The following PPP2R1A variants were observed in gnomAD, a reference collection of about 807,000 sequenced individuals.
PPP2R1A encodes the protein serine/threonine-protein phosphatase 2A 65 kDa regulatory subunit A alpha isoform.
A neutral mutation model predicts 67.1 loss-of-function variants in PPP2R1A; 15 were observed. The ratio of observed to expected loss-of-function variants is 0.22; its 90% CI spans 0.15 to 0.34. The LOEUF is 0.34. Among genes scored for constraint, PPP2R1A ranks in the 10% least tolerant of loss-of-function variants. The pLI, the probability that PPP2R1A is intolerant of heterozygous loss-of-function variation, is 1.00. For missense variants in PPP2R1A, 369 were observed against 775.0 expected, an observed-to-expected ratio of 0.48 and a Z score of 6.22; for synonymous variants, 337 against 325.0, an observed-to-expected ratio of 1.04 and a Z score of -0.40.
At chr19:52,221,160 C>A (rs1402786190) in intron 12 of PPP2R1A, 27 bp downstream of exon 12, 20 of 1,613,858 alleles carry the variant, frequency 1.2e-5, no homozygotes, top group Non-Finnish European at 1.7e-5. Flanking sequence ...CCTGCTGGCC[C>A]ATCCCTAGGG....
At chr19:52,196,799 T>A (rs1479582453) in intron 1 of PPP2R1A, among the ~76,000 whole-genome samples, 1 of 152,182 alleles carries the variant, frequency 6.6e-6, no homozygotes, top group African/African-American at 2.4e-5. Context: ...CTACCCTCCG[T>A]GTCCCCCAGG....
Position 52,194,537 on chromosome 19 carries a change from G to A in PPP2R1A, c.78+4363G>A, listed in dbSNP as rs191415557. On this transcript the variant is annotated intron_variant, in intron 1 of 14. Coordinates refer to ENST00000322088, the MANE Select transcript of PPP2R1A (RefSeq NM_014225.6). Reference sequence around the variant, plus strand: ...GTCATAGGGGTTGGGCCCTGTTGAGGTGCCATTACAAAGCACCCAGGACCA... The same window carrying A: ...GTCATAGGGGTTGGGCCCTGTTGAGATGCCATTACAAAGCACCCAGGACCA... Among the ~76,000 whole-genome samples, 4 of 152,210 alleles carry A rather than the reference G, an allele frequency of 2.6e-5. No individual in the cohort carries two copies. In the East Asian group the frequency reaches 7.7e-4, roughly 29 times the overall value.
intron 6 of PPP2R1A, among the ~76,000 whole-genome samples, chr19:52,215,247 AG>A (rs1427826576): frequency 6.6e-6 from 1 of 151,840 alleles, no homozygotes; most frequent in African/African-American, 2.4e-5. Context: ...TTGTAGAGTC[AG>A]GGTTTCACTG....
rs750147218 is a variant in PPP2R1A, at chr19:52,205,914, G to A, written c.170-49G>A. The A allele has an allele frequency of 2.2e-5, 32 of 1,483,798 alleles. No homozygotes were observed. The South Asian group carries it at 3.7e-4, about 17-fold the overall frequency. 91.9% of individuals were successfully genotyped at this position (1,483,798 alleles called of 1,614,324 possible). A position where few individuals can be genotyped will look rare whatever the true frequency, so the allele number is the denominator to read the frequency against. On this transcript the variant is annotated intron_variant, in intron 2 of 14. Transcript: ENST00000322088. The stretch of plus-strand genomic sequence containing the variant: ...GTCCATGTGTTCTGAGCTTGGGCTG[G>A]GGTCAGAGTTGAGATGGGATAGTCA...
chr19:52,216,017 C>A lies in PPP2R1A; in HGVS notation c.936C>A (p.Asn312Lys). The A allele has an allele frequency of 6.2e-7, 1 of 1,614,038 alleles. No individual in the cohort carries two copies. The stretch of plus-strand genomic sequence containing the variant: ...CCCTGCCCACAGAGTTCTGTGAAAA[C>A]CTCTCAGCTGACTGTCGGGAGAATG... ...ASHKVKEFCE[N>K]LSADCRENVI... The change falls in exon 8 of 15, where the codon AAC becomes AAA. Residue 312 changes from asparagine (N) to lysine (K), a missense_variant. Asn to Lys is a moderately conservative substitution (Grantham distance 94, BLOSUM62 0). This residue lies in a region of PPP2R1A where 276 missense variants were observed against 508.4 expected (regional missense o/e 0.54). Transcript: ENST00000322088. This position sits in a 1 kb window ranked among gnomAD's most constrained non-coding sequence, Gnocchi z 4.3.
chr19:52,190,889 T>C (rs946004174), intron 1 of PPP2R1A, among the ~76,000 whole-genome samples: 1 of 152,308 alleles, frequency 6.6e-6, no homozygotes, highest in Admixed American at 6.5e-5. Context: ...ACAGTCTCTG[T>C]GTCGCCCAGG....
At chr19:52,224,572 A>C (rs1235255473) in intron 13 of PPP2R1A, among the ~76,000 whole-genome samples, 1 of 152,188 alleles carries the variant, frequency 6.6e-6, no homozygotes, top group East Asian at 1.9e-4. Context: ...TGGGCCTCAG[A>C]GACTTGGGGG....
At chr19:52,192,660 A>G (rs927165902) in intron 1 of PPP2R1A, among the ~76,000 whole-genome samples, 24 of 151,942 alleles carry the variant, frequency 1.6e-4, no homozygotes, top group Admixed American at 6.6e-4. Context: ...TCAGCTATCT[A>G]TCCTCCCATC....
intron 3 of PPP2R1A, among the ~76,000 whole-genome samples, chr19:52,209,126 T>C (rs2089638510): frequency 6.6e-6 from 1 of 152,190 alleles, no homozygotes; most frequent in Non-Finnish European, 1.5e-5. Flanking sequence ...CTTTGAGAAC[T>C]ACTTCCTGCA....
Position 52,226,513 on chromosome 19 carries a change from G to T in PPP2R1A, c.*532G>T. The T allele has an allele frequency of 4.4e-6, 1 of 228,874 alleles. No individual in the cohort carries two copies. The highest frequency in any genetic ancestry group is 8.7e-6 in the Non-Finnish European group (1 of 115,600). The allele number at this position is 228,874 out of a possible 1,614,324, so 14.2% of individuals were successfully genotyped here. A position where few individuals can be genotyped will look rare whatever the true frequency, so the allele number is the denominator to read the frequency against. On this transcript the variant is annotated 3_prime_UTR_variant, in exon 15 of 15. Coordinates refer to ENST00000322088, the MANE Select transcript of PPP2R1A (RefSeq NM_014225.6). ...TTTCTCTGGAGAAGATCTTGTTACA[G>T]GACCCATTATACCCCTATGTCCCGA...
chr19:52,206,165 C>A, intron 3 of PPP2R1A, 102 bp downstream of exon 3: 1 of 973,424 alleles, frequency 1.0e-6, no homozygotes, highest in Non-Finnish European at 1.6e-6. Flanking sequence ...GCGTGGGGAT[C>A]ACGTCAGAAC....
At chr19:52,215,343 C>T (rs1978503016) in intron 6 of PPP2R1A, among the ~76,000 whole-genome samples, 1 of 152,188 alleles carries the variant, frequency 6.6e-6, no homozygotes, top group African/African-American at 2.4e-5. Context: ...TAGGCATGAG[C>T]CATCGCACTT....
chr19:52,212,942 C>G lies in PPP2R1A; in HGVS notation c.652-13C>G, dbSNP rs989806593. 6.3e-7 allele frequency: 1 copy of G among 1,582,264 alleles called. No homozygotes were observed. Among genetic ancestry groups the G allele is most frequent in the African/African-American group, 1.3e-5 (1 of 74,298 alleles). ...CCTCTGCTGCCCTCCCACTGTTCCT[C>G]TCCTCTCCCTAGGACTCGGTGCGGC... On this transcript the variant is annotated splice_polypyrimidine_tract_variant and intron_variant, in intron 5 of 14. Coordinates refer to ENST00000322088, the MANE Select transcript of PPP2R1A (RefSeq NM_014225.6). This position sits in a 1 kb window ranked among gnomAD's most constrained non-coding sequence, Gnocchi z 4.1.
chr19:52,220,893 A>C, intron 11 of PPP2R1A, 86 bp from the exon 12 acceptor site: 1 of 1,492,752 alleles, frequency 6.7e-7, no homozygotes, highest in Non-Finnish European at 9.2e-7. Flanking sequence ...GCTGCTTTGT[A>C]AGCCATGGTG....
chr19:52,192,947 A>G (rs1324164608), intron 1 of PPP2R1A, among the ~76,000 whole-genome samples: 1 of 152,176 alleles, frequency 6.6e-6, no homozygotes, highest in Non-Finnish European at 1.5e-5. Context: ...TGTAACAGAG[A>G]TGGCCGCAAA....
chr19:52,225,686 C>G lies in PPP2R1A; in HGVS notation c.1662-31C>G, dbSNP rs748660695. ...TTGCCCCAGTCCATCCTGGCTCACC[C>G]TCTCTCTCCCTGTCTCCTTTCGCTT... On this transcript the variant is annotated intron_variant, in intron 13 of 14. Transcript: ENST00000322088. 5 of 1,602,182 alleles carry G rather than the reference C, an allele frequency of 3.1e-6. No individual in the cohort carries two copies. The African/African-American group carries it at 4.0e-5, about 13-fold the overall frequency.
chr19:52,211,519 C>T lies in PPP2R1A; in HGVS notation c.503+27C>T, dbSNP rs776355386. 3.2e-6 allele frequency: 5 copies of T among 1,583,946 alleles called. No individual in the cohort carries two copies. In the African/African-American group the frequency reaches 6.7e-5, roughly 21 times the overall value. On this transcript the variant is annotated intron_variant, in intron 4 of 14. Coordinates refer to ENST00000322088, the MANE Select transcript of PPP2R1A (RefSeq NM_014225.6). The surrounding 1 kb of genome is among the most constrained non-coding windows in gnomAD (Gnocchi z 5.3). The stretch of plus-strand genomic sequence containing the variant: ...TGAGTCTCTGCCTCCTTGGAAGCTC[C>T]AAGCTCCCATCTCAGCTCCAACCTT...
At position 52,229,284 on chromosome 19, in the gene PPP2R1A, A is replaced by T. The variant is rs1447751435; in HGVS notation, c.*3303A>T. ...TCAGTGAAACCCTGTCTTTACTAAA[A>T]ATATGAAAAAATTAGCTGGGCGTGG... On this transcript the variant is annotated 3_prime_UTR_variant, in exon 15 of 15. Transcript: ENST00000322088. The T allele has an allele frequency of 6.6e-6, 1 of 152,164 alleles. No homozygotes were observed. Among genetic ancestry groups the T allele is most frequent in the African/African-American group, 2.4e-5 (1 of 41,394 alleles). 9.4% of individuals were successfully genotyped at this position (152,164 alleles called of 1,614,324 possible). A position where few individuals can be genotyped will look rare whatever the true frequency, so the allele number is the denominator to read the frequency against.
At chr19:52,220,624 T>C (rs1435673792) in intron 11 of PPP2R1A, among the ~76,000 whole-genome samples, 1 of 152,162 alleles carries the variant, frequency 6.6e-6, no homozygotes, top group Non-Finnish European at 1.5e-5. Context: ...GAATGGCTCA[T>C]TGTTTACACT....
Sources: gnomAD v4.1 joint callset for allele counts (sites outside exome capture counted in the v4.1 genomes callset) on GRCh38, gnomAD v4.1.1 for gene constraint, gnomAD v4.1.1 regional missense constraint, Gnocchi (gnomAD v3.1) non-coding constraint, MANE v1.5 for transcripts, NCBI Gene and HGNC (gene_info 2026-07-23, HGNC 2026-07-21) for gene names.